Variants in EDIL3 observed in about 807,000 individuals in gnomAD.
EDIL3 encodes the protein EGF-like repeat and discoidin I-like domain-containing protein 3.
In EDIL3, 37 loss-of-function variants were observed where a neutral mutation model predicts 67.4. The observed-to-expected ratio is 0.55, with a 90% confidence interval of 0.42 to 0.72. The LOEUF is 0.72. Among genes scored for constraint, EDIL3 ranks in the 30% least tolerant of loss-of-function variants. The probability of loss-of-function intolerance (pLI) is 0.00; values close to 1 mark genes in which losing one functional copy is unlikely to be tolerated. For missense variants in EDIL3, 527 were observed against 586.3 expected (o/e 0.90, Z 1.04); for synonymous variants, 195 against 196.3 (o/e 0.99, Z 0.05).
At chr5:84,090,497 C>T (rs529020439) in intron 6 of EDIL3, among the ~76,000 whole-genome samples, 3 of 152,118 alleles carry the variant, frequency 2.0e-5, no homozygotes, top group South Asian at 2.1e-4. Flanking sequence ...GGTATCTGCC[C>T]GTTATGTGTT....
intron 6 of EDIL3, among the ~76,000 whole-genome samples, chr5:84,098,352 T>G (rs1747303680): frequency 2.0e-5 from 3 of 152,112 alleles, no homozygotes. Flanking sequence ...CTCAAAGGTT[T>G]CATTTGAAGG....
chr5:84,129,565 C>G (rs1747924437), intron 5 of EDIL3, among the ~76,000 whole-genome samples: 1 of 151,932 alleles, frequency 6.6e-6, no homozygotes, highest in African/African-American at 2.4e-5. Context: ...TTATGTATTT[C>G]AAGCAAAGTA....
intron 6 of EDIL3, among the ~76,000 whole-genome samples, chr5:84,094,181 T>A (rs976708353): frequency 3.9e-5 from 6 of 152,224 alleles, no homozygotes; most frequent in Non-Finnish European, 8.8e-5. Flanking sequence ...TGCATAGTGC[T>A]TTTTTAATTT....
At chr5:84,291,774 A>G (rs1052420253) in intron 1 of EDIL3, among the ~76,000 whole-genome samples, 3 of 147,292 alleles carry the variant, frequency 2.0e-5, no homozygotes, top group Non-Finnish European at 3.0e-5. Flanking sequence ...ATATCTATAT[A>G]TCATATACAG....
intron 1 of EDIL3, among the ~76,000 whole-genome samples, chr5:84,330,889 T>G (rs1334327208): frequency 6.6e-6 from 1 of 152,192 alleles, no homozygotes; most frequent in Non-Finnish European, 1.5e-5. Context: ...GCAACTTCTC[T>G]GTTGTTTATT....
At chr5:84,253,498 G>C (rs914524253) in intron 2 of EDIL3, among the ~76,000 whole-genome samples, 3 of 152,088 alleles carry the variant, frequency 2.0e-5, no homozygotes, top group African/African-American at 4.8e-5. Context: ...AAATCCATAA[G>C]TATACATATT....
At chr5:84,031,013 T>C (rs1303313270) in intron 9 of EDIL3, among the ~76,000 whole-genome samples, 3 of 152,204 alleles carry the variant, frequency 2.0e-5, no homozygotes, top group African/African-American at 7.2e-5. Context: ...GGCCTGTTAC[T>C]GGCTTGTGAA....
chr5:84,239,928 A>C (rs1054549212), intron 2 of EDIL3, among the ~76,000 whole-genome samples: 9 of 152,200 alleles, frequency 5.9e-5, no homozygotes, highest in African/African-American at 2.2e-4. Context: ...ATCCAGCAGA[A>C]TATAAATATT....
At chr5:84,303,977 T>A (rs1482848454) in intron 1 of EDIL3, among the ~76,000 whole-genome samples, 2 of 152,092 alleles carry the variant, frequency 1.3e-5, no homozygotes, top group African/African-American at 4.8e-5. Context: ...ATTGCGAGAA[T>A]CTTTCCATAT....
intron 10 of EDIL3, among the ~76,000 whole-genome samples, chr5:83,945,298 A>T (rs779520673): frequency 2.6e-5 from 4 of 151,988 alleles, no homozygotes; most frequent in Non-Finnish European, 5.9e-5. Context: ...AAATCTTGAG[A>T]GACTGTTGCT....
At chr5:84,245,554 T>G (rs2112065195) in intron 2 of EDIL3, among the ~76,000 whole-genome samples, 1 of 152,260 alleles carries the variant, frequency 6.6e-6, no homozygotes. Flanking sequence ...TATAATTTCC[T>G]AGAATAAAGA....
intron 4 of EDIL3, among the ~76,000 whole-genome samples, chr5:84,173,268 G>A (rs1748843147): frequency 6.6e-6 from 1 of 152,126 alleles, no homozygotes; most frequent in African/African-American, 2.4e-5. Flanking sequence ...TGCCTGAGCT[G>A]TGGGAGCCAC....
intron 10 of EDIL3, among the ~76,000 whole-genome samples, chr5:83,956,250 C>T (rs1744512175): frequency 6.6e-6 from 1 of 151,726 alleles, no homozygotes; most frequent in African/African-American, 2.4e-5. Flanking sequence ...GAACAAACAT[C>T]TTAGTTGTTC....
intron 3 of EDIL3, among the ~76,000 whole-genome samples, chr5:84,218,967 T>C (rs1453402739): frequency 2.0e-5 from 3 of 152,170 alleles, no homozygotes; most frequent in Non-Finnish European, 4.4e-5. Context: ...TGGCTGGCTT[T>C]GTCACCTGCT....
intron 1 of EDIL3, among the ~76,000 whole-genome samples, chr5:84,296,125 T>C (rs982165535): frequency 6.6e-6 from 1 of 152,226 alleles, no homozygotes; most frequent in African/African-American, 2.4e-5. Flanking sequence ...AGGTGATTTG[T>C]ACACATCAGT....
At chr5:83,991,729 G>A (rs1297977452) in intron 9 of EDIL3, among the ~76,000 whole-genome samples, 1 of 152,104 alleles carries the variant, frequency 6.6e-6, no homozygotes, top group African/African-American at 2.4e-5. Context: ...TTTAGGTTTT[G>A]GCAGGATGTT....
chr5:84,012,953 G>A (rs149699447), intron 9 of EDIL3, among the ~76,000 whole-genome samples: 1 of 151,914 alleles, frequency 6.6e-6, no homozygotes, highest in African/African-American at 2.4e-5. Flanking sequence ...ATTTTATTGT[G>A]TTCAGATAAA....
At chr5:84,368,005 G>A (rs1489042825) in intron 1 of EDIL3, among the ~76,000 whole-genome samples, 1 of 152,182 alleles carries the variant, frequency 6.6e-6, no homozygotes, top group East Asian at 1.9e-4. Flanking sequence ...TCTGAAGTAG[G>A]AAGCACCAAG....
At chr5:84,080,800 G>A (rs1259740385) in intron 6 of EDIL3, among the ~76,000 whole-genome samples, 6 of 152,014 alleles carry the variant, frequency 3.9e-5, no homozygotes, top group South Asian at 2.1e-4. Context: ...ATTTCTTGAC[G>A]TAGTTTATCT....
Sources: gnomAD v4.1 joint callset for allele counts (sites outside exome capture counted in the v4.1 genomes callset) on GRCh38, gnomAD v4.1.1 for gene constraint, MANE v1.5 for transcripts, NCBI Gene and HGNC (gene_info 2026-07-23, HGNC 2026-07-21) for gene names.